Variants in CFAP20DC observed in about 807,000 individuals in gnomAD.
CFAP20DC encodes protein CFAP20DC.
A neutral mutation model predicts 101.7 loss-of-function variants in CFAP20DC; 84 were observed. The ratio of observed to expected loss-of-function variants is 0.83; its 90% CI spans 0.69 to 0.99. The LOEUF is 0.99. Ranked by LOEUF, CFAP20DC falls within the 50% of genes least tolerant of loss-of-function variation. CFAP20DC has a pLI of 0.00. For synonymous variants in CFAP20DC, 359 were observed against 351.2 expected (o/e 1.02, Z -0.25); for missense variants, 1,007 against 970.3 (o/e 1.04, Z -0.50).
At chr3:58,937,523 T>C (rs990926576) in intron 5 of CFAP20DC, 125 bp downstream of exon 5, 10 of 657,062 alleles carry the variant, frequency 1.5e-5, no homozygotes, top group Admixed American at 5.2e-5. Context: ...AGGAAGGCCA[T>C]GAATTTTATT....
chr3:59,027,291 A>G (rs545165680), intron 4 of CFAP20DC, among the ~76,000 whole-genome samples: 4 of 152,288 alleles, frequency 2.6e-5, no homozygotes, highest in African/African-American at 7.2e-5. Flanking sequence ...TAAAGAATTT[A>G]ACTTTTGCTT....
chr3:59,031,925 A>G (rs2094002828), intron 4 of CFAP20DC, among the ~76,000 whole-genome samples: 1 of 152,198 alleles, frequency 6.6e-6, no homozygotes, highest in Admixed American at 6.5e-5. Context: ...GAATAGGAAC[A>G]GCTCTGGTCT....
intron 14 of CFAP20DC, among the ~76,000 whole-genome samples, chr3:58,828,058 G>T (rs936028050): frequency 1.3e-5 from 2 of 152,088 alleles, no homozygotes; most frequent in African/African-American, 2.4e-5. Context: ...AGTGCATCTA[G>T]GGACTACAGA....
intron 4 of CFAP20DC, among the ~76,000 whole-genome samples, chr3:58,960,018 G>A (rs912294550): frequency 5.3e-5 from 8 of 152,040 alleles, no homozygotes; most frequent in African/African-American, 1.9e-4. Flanking sequence ...GCCTTTCAAG[G>A]AATTTTTCCA....
chr3:58,912,709 G>A lies in CFAP20DC; in HGVS notation c.550+999C>T, dbSNP rs2084277690. The stretch of plus-strand genomic sequence containing the variant: ...TTTAAAACCATCTGAGCAGTATGGT[G>A]TGCTACCTTATGAATTCCAGGGAGC... On this transcript the variant is annotated intron_variant, in intron 6 of 16. Transcript: ENST00000482387. This position sits in a 1 kb window ranked among gnomAD's most constrained non-coding sequence, Gnocchi z 4.4. 2.2e-6 allele frequency: 1 copy of A among 456,242 alleles called. No homozygotes were observed. Among genetic ancestry groups the A allele is most frequent in the Admixed American group, 2.4e-5 (1 of 42,524 alleles). The allele number at this position is 456,242 out of a possible 1,614,324, so 28.3% of individuals were successfully genotyped here. A position where few individuals can be genotyped will look rare whatever the true frequency, so the allele number is the denominator to read the frequency against.
At chr3:58,974,248 C>T (rs182746467) in intron 4 of CFAP20DC, among the ~76,000 whole-genome samples, 4 of 152,210 alleles carry the variant, frequency 2.6e-5, no homozygotes, top group South Asian at 2.1e-4. Context: ...TTTCAACCCT[C>T]GCCGTCCTCC....
intron 12 of CFAP20DC, among the ~76,000 whole-genome samples, chr3:58,854,212 T>C (rs1254383400): frequency 2.6e-5 from 4 of 151,456 alleles, no homozygotes; most frequent in Non-Finnish European, 3.0e-5. Context: ...GAGAGCCAAA[T>C]CATGAGTGAA....
chr3:58,946,004 T>A (rs1478407195), intron 4 of CFAP20DC, among the ~76,000 whole-genome samples: 1 of 151,828 alleles, frequency 6.6e-6, no homozygotes, highest in African/African-American at 2.4e-5. Context: ...CCAAAGTCAC[T>A]TTCTTAGTGG....
rs1417671784 is a variant in CFAP20DC at position 58,937,662 on chromosome 3, T to A, written c.379A>T (p.Ile127Phe). 6.3e-7 allele frequency: 1 copy of A among 1,597,712 alleles called. No homozygotes were observed. The highest frequency in any genetic ancestry group is 8.6e-7 in the Non-Finnish European group (1 of 1,165,170). The change falls in exon 5 of 17, where the codon ATC becomes TTC. Residue 127 changes from isoleucine (I) to phenylalanine (F), a missense_variant. By Grantham distance (21) the Ile-to-Phe change is conservative. Transcript: ENST00000482387. The part of the protein sequence containing the change: ...PLHAKIPLFM[I>F]KRKIWCNLCI... ...GTGATACTTACAATTTTACGTTTGATCATGAAGAGTGGAATTTTTGCATGA... is the reference window on the plus strand; with the variant it reads ...GTGATACTTACAATTTTACGTTTGAACATGAAGAGTGGAATTTTTGCATGA...
intron 13 of CFAP20DC, 32 bp downstream of exon 13, chr3:58,849,000 C>CG: frequency 6.6e-7 from 1 of 1,523,500 alleles, no homozygotes; most frequent in South Asian, 1.2e-5. Context: ...GATGTATTGC[C>CG]GGCATCTGTA....
chr3:58,932,399 T>C (rs561424378), intron 5 of CFAP20DC, among the ~76,000 whole-genome samples: 2 of 152,062 alleles, frequency 1.3e-5, no homozygotes, highest in South Asian at 4.2e-4. Context: ...CAGGCCAACA[T>C]TCAGATTCAG....
chr3:58,742,013 C>T lies in CFAP20DC; in HGVS notation c.*447G>A, dbSNP rs987846735. ...AAGAAGCAGTTTAAAAGCTATTCTT[C>T]TTACCATCATACTTTATTTTTAATA... is the stretch of plus-strand genomic sequence containing the variant. On this transcript the variant is annotated 3_prime_UTR_variant, in exon 17 of 17. Transcript: ENST00000482387. The T allele has an allele frequency of 2.0e-5, 18 of 914,684 alleles. No individual in the cohort carries two copies. In the African/African-American group the frequency reaches 3.0e-4, roughly 15 times the overall value. 56.7% of individuals were successfully genotyped at this position (914,684 alleles called of 1,614,324 possible).
chr3:58,872,214 C>G (rs2080285531), intron 7 of CFAP20DC, among the ~76,000 whole-genome samples: 1 of 152,106 alleles, frequency 6.6e-6, no homozygotes, highest in Admixed American at 6.5e-5. Flanking sequence ...CAAGTAAGTC[C>G]ACATTTGCCC....
intron 3 of CFAP20DC, among the ~76,000 whole-genome samples, chr3:58,730,991 G>T (rs2067635179): frequency 6.6e-6 from 1 of 152,162 alleles, no homozygotes; most frequent in African/African-American, 2.4e-5. Context: ...CCTCTGCCAT[G>T]ACAGGCCCTA....
At chr3:58,907,988 C>T (rs572013451) in intron 6 of CFAP20DC, among the ~76,000 whole-genome samples, 1 of 152,074 alleles carries the variant, frequency 6.6e-6, no homozygotes, top group African/African-American at 2.4e-5. Context: ...GAAATCACAC[C>T]AATGCTCGTT....
rs907481624 is a variant in CFAP20DC at position 59,006,744 on chromosome 3, G to A, written c.278+32813C>T. Among the ~76,000 whole-genome samples the A allele has an allele frequency of 1.3e-5, 2 of 152,136 alleles. No homozygotes were observed. Among genetic ancestry groups the A allele is most frequent in the Non-Finnish European group, 2.9e-5 (2 of 68,020 alleles). ...GGAAGACAGCCAGCAGAATTAGGGA[G>A]GGGTCACAAGATGAATGAAGCTTCC... On this transcript the variant is annotated intron_variant, in intron 4 of 16. Coordinates refer to ENST00000482387, the MANE Select transcript of CFAP20DC (RefSeq NM_001394063.1). This position sits in a 1 kb window ranked among gnomAD's most constrained non-coding sequence, Gnocchi z 4.3.
chr3:58,796,616 G>A (rs1002928844), intron 15 of CFAP20DC, among the ~76,000 whole-genome samples: 6 of 152,138 alleles, frequency 3.9e-5, no homozygotes, highest in African/African-American at 1.4e-4. Flanking sequence ...CAGTGCACCA[G>A]CACCACAGCT....
rs568416178 is a variant in CFAP20DC, at chr3:58,935,028, T to C, written c.393+2620A>G. On this transcript the variant is annotated intron_variant, in intron 5 of 16. Coordinates refer to ENST00000482387, the MANE Select transcript of CFAP20DC (RefSeq NM_001394063.1). ...TGATTGTATATCTAGAAAACCCCATTGTCTCAGCCCAAAATCTCCTTAAGC... is the reference window on the plus strand; with the variant it reads ...TGATTGTATATCTAGAAAACCCCATCGTCTCAGCCCAAAATCTCCTTAAGC... Among the ~76,000 whole-genome samples the C allele has an allele frequency of 1.2e-3, 179 of 152,216 alleles. 1 individual carries two copies. The highest frequency in any genetic ancestry group is 3.8e-3 in the African/African-American group (158 of 41,542).
Position 58,849,225 on chromosome 3 carries a change from T to G in CFAP20DC, c.1778A>C (p.Asn593Thr). The G allele has an allele frequency of 3.9e-6, 6 of 1,536,104 alleles. No individual in the cohort carries two copies. Among genetic ancestry groups the G allele is most frequent in the Non-Finnish European group, 5.2e-6 (6 of 1,146,892 alleles). ...AGGCAACAAACTCATTTCAAAGTTA[T>G]TTCTATCTATTTGCTCCATCGAGGA... The part of the protein sequence containing the change: ...QDSSMEQIDR[N>T]NFEMSLLPTT... The change falls in exon 13 of 17, where the codon AAT becomes ACT. Residue 593 changes from asparagine to threonine, a missense_variant. By Grantham distance (65) the Asn-to-Thr change is moderately conservative. Transcript: ENST00000482387.
Sources: gnomAD v4.1 joint callset for allele counts (sites outside exome capture counted in the v4.1 genomes callset) on GRCh38, gnomAD v4.1.1 for gene constraint, Gnocchi (gnomAD v3.1) non-coding constraint, MANE v1.5 for transcripts, NCBI Gene and HGNC (gene_info 2026-07-23, HGNC 2026-07-21) for gene names.